The following MEX3C variants were observed in gnomAD, a reference collection of about 807,000 sequenced individuals.
MEX3C encodes mex-3 RNA binding family member C.
Under a neutral mutation model 35.5 loss-of-function variants are expected in MEX3C, and 15 were observed. The observed-to-expected ratio is 0.42, with a 90% CI of 0.28 to 0.65. The LOEUF is 0.65. Among genes scored for constraint, MEX3C ranks in the 30% least tolerant of loss-of-function variants. The pLI, the probability that MEX3C is intolerant of heterozygous loss-of-function variation, is 0.20. For missense variants in MEX3C, 711 were observed against 842.8 expected (o/e 0.84, Z 1.94); for synonymous variants, 390 against 352.8 (o/e 1.11, Z -1.18).
intron 1 of MEX3C, among the ~76,000 whole-genome samples, chr18:51,183,822 C>A (rs1912478199): frequency 6.6e-6 from 1 of 151,862 alleles, no homozygotes; most frequent in Non-Finnish European, 1.5e-5. Flanking sequence ...TACAAAAAAA[C>A]AAACAAAAAT....
intron 1 of MEX3C, among the ~76,000 whole-genome samples, chr18:51,191,893 T>C (rs539803235): frequency 6.6e-6 from 1 of 152,288 alleles, no homozygotes; most frequent in South Asian, 2.1e-4. Flanking sequence ...GAACAGAGAC[T>C]GTCACAGGCA....
At chr18:51,184,628 G>A (rs921169745) in intron 1 of MEX3C, among the ~76,000 whole-genome samples, 1 of 152,134 alleles carries the variant, frequency 6.6e-6, no homozygotes, top group African/African-American at 2.4e-5. Context: ...GAGCTGAGGT[G>A]GGAGGATCAC....
At chr18:51,181,371 A>C (rs1912426852) in intron 1 of MEX3C, among the ~76,000 whole-genome samples, 1 of 152,160 alleles carries the variant, frequency 6.6e-6, no homozygotes, top group Non-Finnish European at 1.5e-5. Context: ...CAAAAACCCA[A>C]TAAAAGGGTG....
intron 1 of MEX3C, among the ~76,000 whole-genome samples, chr18:51,183,882 C>G (rs1179952329): frequency 6.6e-6 from 1 of 152,088 alleles, no homozygotes; most frequent in East Asian, 1.9e-4. Context: ...CCCTGGAGTC[C>G]TAGCTATATG....
At chr18:51,183,330 A>G (rs1912468715) in intron 1 of MEX3C, among the ~76,000 whole-genome samples, 1 of 152,206 alleles carries the variant, frequency 6.6e-6, no homozygotes, top group African/African-American at 2.4e-5. Context: ...TATCCATACC[A>G]TTTGTTCCCA....
chr18:51,181,710 C>T (rs1024490504), intron 1 of MEX3C, among the ~76,000 whole-genome samples: 6 of 152,156 alleles, frequency 3.9e-5, no homozygotes, highest in African/African-American at 1.4e-4. Context: ...GAGGCTGGTA[C>T]AGCTATATAA....
rs375557205 is a variant in MEX3C at position 51,197,033 on chromosome 18, G to A, written c.288C>T (p.Gly96=). ...ELSPEERAPP[G]RPGAPEAAEL... ...CGGCCGCCTCCGGGGCCCCGGGCCG[G>A]CCGGGCGGAGCCCGCTCCTCTGGAG... The change falls in exon 1 of 2, where the codon GGC becomes GGT. Residue 96 remains glycine (G), a synonymous_variant. Coordinates refer to ENST00000406189, the MANE Select transcript of MEX3C (RefSeq NM_016626.5). The A allele has an allele frequency of 4.4e-4, 670 of 1,512,844 alleles. 5 individuals are homozygous for A. In the African/African-American group the frequency reaches 7.5e-3, roughly 17 times the overall value. The allele number at this position is 1,512,844 out of a possible 1,614,324, so 93.7% of individuals were successfully genotyped here.
At chr18:51,194,534 T>C (rs572412746) in intron 1 of MEX3C, 20 of 152,000 alleles carry the variant, frequency 1.3e-4, no homozygotes, top group African/African-American at 4.8e-4. Flanking sequence ...TCTATAAAGA[T>C]TAACAACATA....
intron 1 of MEX3C, among the ~76,000 whole-genome samples, chr18:51,190,050 A>G (rs73438540): frequency 0.013 from 2,048 of 152,270 alleles, 46 homozygotes; most frequent in African/African-American, 0.047. Flanking sequence ...TGTACTGTCA[A>G]TTTCTACTAA....
intron 1 of MEX3C, among the ~76,000 whole-genome samples, chr18:51,186,921 T>C (rs556230415): frequency 6.6e-6 from 1 of 152,358 alleles, no homozygotes; most frequent in Admixed American, 6.5e-5. Flanking sequence ...CACAACTGCA[T>C]TATGTGTATA....
chr18:51,178,330 AAG>A (rs1355839343), intron 1 of MEX3C, among the ~76,000 whole-genome samples: 1 of 152,114 alleles, frequency 6.6e-6, no homozygotes, highest in Non-Finnish European at 1.5e-5. Flanking sequence ...TAAAACATCT[AAG>A]ACACATATGT....
chr18:51,192,934 T>G (rs754764819), intron 1 of MEX3C: 54 of 152,282 alleles, frequency 3.5e-4, no homozygotes, highest in Middle Eastern at 3.4e-3. Flanking sequence ...CTATTTATTC[T>G]CATGAAATAT....
In MEX3C at chr18:51,179,645, C is replaced by G. The variant is rs7239882; in HGVS notation, c.755-2069G>C. 4.0e-3 allele frequency among the ~76,000 whole-genome samples: 602 copies of G among 152,242 alleles called. 8 individuals carry two copies. The highest frequency in any genetic ancestry group is 0.014 in the African/African-American group (570 of 41,556). On this transcript the variant is annotated intron_variant, in intron 1 of 1. Coordinates refer to ENST00000406189, the MANE Select transcript of MEX3C (RefSeq NM_016626.5). ...ACATTTTCGGATTAGAAGTGTTCAG[C>G]CTGTATGTGCTTTTGTTCTACAACA...
At chr18:51,184,887 C>T (rs1204256238) in intron 1 of MEX3C, among the ~76,000 whole-genome samples, 1 of 151,706 alleles carries the variant, frequency 6.6e-6, no homozygotes, top group Non-Finnish European at 1.5e-5. Context: ...AATTAAGAAG[C>T]AGTTTTCAAC....
intron 1 of MEX3C, among the ~76,000 whole-genome samples, chr18:51,190,864 T>G (rs1301482222): frequency 1.3e-5 from 2 of 152,148 alleles, no homozygotes; most frequent in Non-Finnish European, 2.9e-5. Flanking sequence ...AATGGTAGCA[T>G]GGGGAAAATG....
At position 51,175,258 on chromosome 18, in the gene MEX3C, G is replaced by T. The variant is rs990426867; in HGVS notation, c.*1093C>A. 2 of 152,534 alleles carry T rather than the reference G, an allele frequency of 1.3e-5. No individual in the cohort carries two copies. Among genetic ancestry groups the T allele is most frequent in the African/African-American group, 4.8e-5 (2 of 41,418 alleles). The allele number at this position is 152,534 out of a possible 1,614,324, so 9.4% of individuals were successfully genotyped here. Reference sequence around the variant, plus strand: ...GTTTTGTCCTTTCAATGCCAGCACAGATTTGGGAACATACTGAGGATGAAG... The same window carrying T: ...GTTTTGTCCTTTCAATGCCAGCACATATTTGGGAACATACTGAGGATGAAG... On this transcript the variant is annotated 3_prime_UTR_variant, in exon 2 of 2. Coordinates refer to ENST00000406189, the MANE Select transcript of MEX3C (RefSeq NM_016626.5).
chr18:51,180,093 TAAAAGAAAA>T (rs1265964575), intron 1 of MEX3C, among the ~76,000 whole-genome samples: 7 of 147,900 alleles, frequency 4.7e-5, no homozygotes, highest in Admixed American at 6.7e-5. Flanking sequence ...TGAAAATAAA[TAAAAGAAAA>T]AAAAGGAAAA....
At chr18:51,194,444 G>C (rs1244188494) in intron 1 of MEX3C, 1 of 152,028 alleles carries the variant, frequency 6.6e-6, no homozygotes, top group African/African-American at 2.4e-5. Context: ...GAAAAACTAA[G>C]GCTTTATCTC....
chr18:51,196,506 C>G (rs1247107207), intron 1 of MEX3C, 61 bp downstream of exon 1: 1 of 1,517,016 alleles, frequency 6.6e-7, no homozygotes, highest in African/African-American at 1.4e-5. Flanking sequence ...GCTCCTTTCT[C>G]TCGTCTCCCC....
Sources: allele counts gnomAD v4.1 joint callset (sites outside exome capture counted in the v4.1 genomes callset), GRCh38; gene constraint gnomAD v4.1.1; transcripts MANE v1.5; gene names NCBI Gene and HGNC (gene_info 2026-07-23, HGNC 2026-07-21).